The following SH3RF3 variants were observed in gnomAD, a reference collection of about 807,000 sequenced individuals.
The protein encoded by SH3RF3 is E3 ubiquitin-protein ligase SH3RF3.
In SH3RF3, 29 loss-of-function variants were observed where a neutral mutation model predicts 66.3. The observed-to-expected ratio is 0.44, with a 90% confidence interval of 0.33 to 0.60. The LOEUF (loss-of-function observed/expected upper bound fraction) is 0.60. Among genes scored for constraint, SH3RF3 ranks in the 20% least tolerant of loss-of-function variants. The pLI, the probability that SH3RF3 is intolerant of heterozygous loss-of-function variation, is 0.04. For missense variants in SH3RF3, 1,194 were observed against 1,190.9 expected, an observed-to-expected ratio of 1.00 and a Z score of -0.04; for synonymous variants, 583 against 532.0, an observed-to-expected ratio of 1.10 and a Z score of -1.32.
At chr2:109,367,366 C>G (rs758547649) in intron 2 of SH3RF3, among the ~76,000 whole-genome samples, 3 of 152,186 alleles carry the variant, frequency 2.0e-5, no homozygotes, top group Non-Finnish European at 4.4e-5. Context: ...ACTGCAACCT[C>G]TGCCTCCTGG....
intron 8 of SH3RF3, among the ~76,000 whole-genome samples, chr2:109,455,170 C>T (rs1467681367): frequency 6.6e-6 from 1 of 152,140 alleles, no homozygotes; most frequent in Admixed American, 6.6e-5. Flanking sequence ...GTGGTGGCCT[C>T]CTAGTCCCTG....
At chr2:109,427,307 T>A (rs1677052803) in intron 5 of SH3RF3, among the ~76,000 whole-genome samples, 1 of 152,216 alleles carries the variant, frequency 6.6e-6, no homozygotes, top group Non-Finnish European at 1.5e-5. Context: ...TACATTTTTT[T>A]AGACATAATG....
intron 2 of SH3RF3, among the ~76,000 whole-genome samples, chr2:109,352,262 C>G (rs1005935632): frequency 2.0e-5 from 3 of 152,206 alleles, no homozygotes; most frequent in Non-Finnish European, 2.9e-5. Flanking sequence ...GTACATATCA[C>G]TTTTTATGTT....
At chr2:109,271,645 A>G (rs1680628417) in intron 1 of SH3RF3, among the ~76,000 whole-genome samples, 2 of 152,228 alleles carry the variant, frequency 1.3e-5, no homozygotes, top group African/African-American at 4.8e-5. Flanking sequence ...CCAGGATGCC[A>G]GAAGCCCCAT....
chr2:109,322,596 T>G (rs1682051659), intron 1 of SH3RF3, among the ~76,000 whole-genome samples: 1 of 152,226 alleles, frequency 6.6e-6, no homozygotes, highest in South Asian at 2.1e-4. Flanking sequence ...ATTTGCTGAA[T>G]GAATAAATCT....
intron 1 of SH3RF3, among the ~76,000 whole-genome samples, chr2:109,226,106 T>G (rs1288006220): frequency 2.6e-5 from 4 of 152,214 alleles, no homozygotes; most frequent in Non-Finnish European, 1.5e-5. Context: ...GCTAAATCAC[T>G]TGTTAATTTT....
chr2:109,152,386 A>G (rs905622987), intron 1 of SH3RF3, among the ~76,000 whole-genome samples: 1 of 152,142 alleles, frequency 6.6e-6, no homozygotes, highest in African/African-American at 2.4e-5. Flanking sequence ...TTGTTAGCTG[A>G]CATGTACAGC....
At chr2:109,359,884 G>A (rs1003188627) in intron 2 of SH3RF3, among the ~76,000 whole-genome samples, 7 of 152,142 alleles carry the variant, frequency 4.6e-5, no homozygotes, top group Admixed American at 2.0e-4. Flanking sequence ...AATGGCACAT[G>A]TGTAGGCTGC....
Position 109,292,607 on chromosome 2 carries a change from C to T in SH3RF3, c.574-55067C>T, listed in dbSNP as rs181097191. 1.1e-4 allele frequency among the ~76,000 whole-genome samples: 16 copies of T among 152,316 alleles called. No individual in the cohort carries two copies. The East Asian group carries it at 1.9e-3, about 18-fold the overall frequency. On this transcript the variant is annotated intron_variant, in intron 1 of 9. Coordinates refer to ENST00000309415, the MANE Select transcript of SH3RF3 (RefSeq NM_001099289.3). ...TGCATTCCCTGATTTCTATTTTGGG[C>T]ATTTTTCTTTCCTCTTGCCAATTTT...
At chr2:109,314,271 G>C (rs1370824594) in intron 1 of SH3RF3, among the ~76,000 whole-genome samples, 4 of 152,204 alleles carry the variant, frequency 2.6e-5, no homozygotes, top group Non-Finnish European at 4.4e-5. Flanking sequence ...CTTGGCATAT[G>C]TTTTAGGAGA....
chr2:109,223,658 A>G (rs1329457039), intron 1 of SH3RF3, among the ~76,000 whole-genome samples: 1 of 152,042 alleles, frequency 6.6e-6, no homozygotes, highest in Non-Finnish European at 1.5e-5. Context: ...GCACCTCTCC[A>G]TGGCTCTCCC....
At chr2:109,244,759 C>G (rs143216108) in intron 1 of SH3RF3, among the ~76,000 whole-genome samples, 163 of 152,318 alleles carry the variant, frequency 1.1e-3, no homozygotes, top group African/African-American at 3.3e-3. Context: ...AATGCCCGGG[C>G]CCTTGAGGCA....
At chr2:109,341,425 A>G (rs1444827022) in intron 1 of SH3RF3, among the ~76,000 whole-genome samples, 1 of 152,214 alleles carries the variant, frequency 6.6e-6, no homozygotes, top group Admixed American at 6.5e-5. Flanking sequence ...GTGCTTTTCA[A>G]AGATGACAGC....
At chr2:109,229,951 A>G (rs1451340235) in intron 1 of SH3RF3, among the ~76,000 whole-genome samples, 1 of 150,904 alleles carries the variant, frequency 6.6e-6, no homozygotes, top group Admixed American at 6.6e-5. Flanking sequence ...CAGCCTCCCA[A>G]GTAGCTGGGA....
intron 1 of SH3RF3, among the ~76,000 whole-genome samples, chr2:109,275,274 T>C (rs960863900): frequency 6.6e-6 from 1 of 152,080 alleles, no homozygotes; most frequent in African/African-American, 2.4e-5. Flanking sequence ...TCTCTTGTGA[T>C]CCAGAGAAGT....
intron 1 of SH3RF3, among the ~76,000 whole-genome samples, chr2:109,342,625 C>T (rs925169269): frequency 1.3e-5 from 2 of 152,198 alleles, no homozygotes; most frequent in Non-Finnish European, 2.9e-5. Flanking sequence ...GCCCTCCCGA[C>T]GCTGCAGGCC....
chr2:109,361,263 G>A (rs528187980), intron 2 of SH3RF3, among the ~76,000 whole-genome samples: 1 of 152,306 alleles, frequency 6.6e-6, no homozygotes, highest in Admixed American at 6.5e-5. Flanking sequence ...TTATGTTCAT[G>A]AGATATATAG....
At chr2:109,252,328 C>A (rs1680113144) in intron 1 of SH3RF3, among the ~76,000 whole-genome samples, 1 of 151,686 alleles carries the variant, frequency 6.6e-6, no homozygotes, top group African/African-American at 2.4e-5. Flanking sequence ...TTACATTGTT[C>A]AACAGAAGCC....
chr2:109,133,971 G>A (rs371405182), intron 1 of SH3RF3, among the ~76,000 whole-genome samples: 3 of 152,256 alleles, frequency 2.0e-5, no homozygotes, highest in South Asian at 4.1e-4. Flanking sequence ...AGTCCAGCTG[G>A]TCAGCTAGTG....
Sources: allele counts gnomAD v4.1 joint callset (sites outside exome capture counted in the v4.1 genomes callset), GRCh38; gene constraint gnomAD v4.1.1; transcripts MANE v1.5; gene names NCBI Gene and HGNC (gene_info 2026-07-23, HGNC 2026-07-21).